ZNF507: variants seen among roughly 807,000 people sequenced by gnomAD.
ZNF507 encodes the protein zinc finger protein 507.
ZNF507 carries 29 observed loss-of-function variants against 80.0 expected under a neutral mutation model. The observed-to-expected ratio is 0.36, with a 90% CI of 0.27 to 0.49. ZNF507 has a LOEUF of 0.49. Ranked by LOEUF, ZNF507 falls within the 20% of genes least tolerant of loss-of-function variation. ZNF507 has a pLI of 0.98. For missense variants in ZNF507, 1,081 were observed against 1,152.2 expected (o/e 0.94, Z 0.90); for synonymous variants, 462 against 422.5 (o/e 1.09, Z -1.15).
At position 32,354,596 on chromosome 19, in the gene ZNF507, C is replaced by A; in HGVS notation, c.1766C>A (p.Thr589Asn). Residue 589 changes from threonine to asparagine, a missense_variant, in exon 3 of 7, where the codon ACC (threonine) becomes AAC (asparagine). By Grantham distance (65) the Thr-to-Asn change is moderately conservative (BLOSUM62 0). Transcript: ENST00000355898. ...ACAGGCATCAGCATGTCCTTACTCA[C>A]CGTCATTGAAAAATTGAGAGAAAGG... ...VKTGISMSLL[T>N]VIEKLRERTD... 1 of 1,614,104 alleles carries A rather than the reference C, an allele frequency of 6.2e-7. No homozygotes were observed. The highest frequency in any genetic ancestry group is 8.5e-7 in the Non-Finnish European group (1 of 1,180,012).
rs537162236 is a variant in ZNF507 at position 32,384,799 on chromosome 19, AATTT to A, written c.*1723_*1726del. ...GCAGCTTTTTTATTTAGGTAGCTTT[AATTT>A]ATTTATGAAAGTTAATCCATTTCTG... On this transcript the variant is annotated 3_prime_UTR_variant, in exon 7 of 7. Coordinates refer to ENST00000355898, the MANE Select transcript of ZNF507 (RefSeq NM_001136156.2). 18 of 149,866 alleles carry A rather than the reference AATTT, an allele frequency of 1.2e-4. No homozygotes were observed. Among genetic ancestry groups the A allele is most frequent in the East Asian group, 3.9e-4 (2 of 5,128 alleles). The allele number at this position is 149,866 out of a possible 1,614,324, so 9.3% of individuals were successfully genotyped here.
intron 5 of ZNF507, among the ~76,000 whole-genome samples, chr19:32,379,716 A>G (rs540568185): frequency 3.3e-5 from 5 of 151,868 alleles, no homozygotes; most frequent in African/African-American, 1.2e-4. Flanking sequence ...AGATCTGTTT[A>G]TTTTTCTTTT....
At chr19:32,358,819 A>T (rs1568304940) in intron 4 of ZNF507, 1 of 152,164 alleles carries the variant, frequency 6.6e-6, no homozygotes, top group Non-Finnish European at 1.5e-5. Flanking sequence ...GACTTACTAA[A>T]CTATGCTGTG....
At position 32,353,254 on chromosome 19, in the gene ZNF507, G is replaced by T. The variant is rs1486812636; in HGVS notation, c.424G>T (p.Asp142Tyr). ...ATCATCATCCTTTTCCGTGTTAAAA[G>T]ATCATATTAAGCAACATGGTCAGCA... Reference protein sequence around the residue: ...FLSSSFSVLKDHIKQHGQQNE... With the variant: ...FLSSSFSVLKYHIKQHGQQNE... Residue 142 changes from aspartate (D) to tyrosine (Y), a missense_variant, in exon 3 of 7, where the codon GAT (aspartate) becomes TAT (tyrosine). Physicochemically the swap from Asp to Tyr is radical, Grantham distance 160 (BLOSUM62 -3). Around this residue, in one of 6 missense-constraint regions of ZNF507, gnomAD observed 275 missense variants for 303.9 expected, o/e 0.90. Transcript: ENST00000355898. The T allele has an allele frequency of 3.7e-6, 6 of 1,614,056 alleles. No homozygotes were observed. The highest frequency in any genetic ancestry group is 2.7e-5 in the African/African-American group (2 of 74,914).
intron 5 of ZNF507, among the ~76,000 whole-genome samples, chr19:32,368,577 T>A (rs1298055935): frequency 6.6e-6 from 1 of 152,230 alleles, no homozygotes; most frequent in South Asian, 2.1e-4. Flanking sequence ...GATTCTTTAG[T>A]CAATGTGTTG....
chr19:32,357,838 G>T (rs1967272342), intron 4 of ZNF507: 1 of 152,150 alleles, frequency 6.6e-6, no homozygotes, highest in Non-Finnish European at 1.5e-5. Flanking sequence ...CTAATGAAAG[G>T]ATGAAGTAAA....
At chr19:32,382,258 CCTT>C (rs1403328273) in intron 5 of ZNF507, 1 of 456,838 alleles carries the variant, frequency 2.2e-6, no homozygotes, top group East Asian at 3.4e-5. Context: ...ATATAAAAGA[CCTT>C]CTTTCATTGA....
chr19:32,356,927 C>T, intron 4 of ZNF507, 194 bp downstream of exon 4: 1 of 562,820 alleles, frequency 1.8e-6, no homozygotes, highest in Non-Finnish European at 3.2e-6. Context: ...TTACTAGGTC[C>T]TAGGTGAGAA....
intron 5 of ZNF507, among the ~76,000 whole-genome samples, chr19:32,378,997 C>T (rs936498786): frequency 2.6e-5 from 4 of 152,176 alleles, no homozygotes; most frequent in African/African-American, 7.2e-5. Context: ...AGGCACTAGG[C>T]GGAAGGGAGT....
intron 5 of ZNF507, among the ~76,000 whole-genome samples, chr19:32,367,006 A>G (rs925424570): frequency 6.6e-5 from 10 of 152,144 alleles, no homozygotes; most frequent in Admixed American, 3.3e-4. Flanking sequence ...TTAGTTTGGC[A>G]TTGTTATAAG....
At position 32,353,810 on chromosome 19, in the gene ZNF507, G is replaced by A; in HGVS notation, c.980G>A (p.Cys327Tyr). The A allele has an allele frequency of 6.2e-7, 1 of 1,614,196 alleles. No homozygotes were observed. Among genetic ancestry groups the A allele is most frequent in the Non-Finnish European group, 8.5e-7 (1 of 1,180,034 alleles). ...GGGCCATCAGTGCAAGTGCAGATTT[G>A]CAGCTCAGAACAGTTATCATCTTCA... ...HNGPSVQVQI[C>Y]SSEQLSSSSP... Residue 327 changes from cysteine to tyrosine, a missense_variant, in exon 3 of 7, where the codon TGC becomes TAC. Physicochemically the swap from Cys to Tyr is radical, Grantham distance 194. This residue lies in a region of ZNF507 where 614 missense variants were observed against 583.9 expected (regional missense o/e 1.05). Coordinates refer to ENST00000355898, the MANE Select transcript of ZNF507 (RefSeq NM_001136156.2).
rs1320517002 is a variant in ZNF507 at position 32,385,768 on chromosome 19, A to ATGGCAGTGGG, written c.*2690_*2691insGTGGGTGGCA. On this transcript the variant is annotated 3_prime_UTR_variant, in exon 7 of 7. Coordinates refer to ENST00000355898, the MANE Select transcript of ZNF507 (RefSeq NM_001136156.2). ...AGATAGAGGCTTGCAGTGAGCCGTG[A>ATGGCAGTGGG]TGGCACCATTGCACTCCAACCGGGG... The ATGGCAGTGGG allele has an allele frequency of 1.3e-5, 2 of 152,112 alleles. No homozygotes were observed. Among genetic ancestry groups the ATGGCAGTGGG allele is most frequent in the East Asian group, 3.9e-4 (2 of 5,176 alleles). 9.4% of individuals were successfully genotyped at this position (152,112 alleles called of 1,614,324 possible). A position where few individuals can be genotyped will look rare whatever the true frequency, so the allele number is the denominator to read the frequency against.
chr19:32,351,340 C>G (rs569128620), intron 2 of ZNF507, among the ~76,000 whole-genome samples: 61 of 148,730 alleles, frequency 4.1e-4, no homozygotes, highest in African/African-American at 1.5e-3. Context: ...GCTGGCTTGC[C>G]AGAAGGAGTA....
At chr19:32,361,701 TTTCC>T (rs1476080058) in intron 5 of ZNF507, among the ~76,000 whole-genome samples, 10 of 139,184 alleles carry the variant, frequency 7.2e-5, no homozygotes, top group South Asian at 2.3e-4. Flanking sequence ...CTTTCCTTCC[TTTCC>T]TTCCTTCCTT....
chr19:32,348,426 C>T (rs1967123201), intron 2 of ZNF507, among the ~76,000 whole-genome samples: 1 of 152,048 alleles, frequency 6.6e-6, no homozygotes, highest in African/African-American at 2.4e-5. Flanking sequence ...TCCAGGCCCA[C>T]ATGAATTGTT....
intron 5 of ZNF507, among the ~76,000 whole-genome samples, chr19:32,374,313 A>G (rs1967516931): frequency 1.3e-5 from 2 of 152,012 alleles, no homozygotes; most frequent in African/African-American, 4.8e-5. Flanking sequence ...TATTGTTTCC[A>G]TATAAGAAAG....
chr19:32,345,825 C>T (rs1035565256), intron 1 of ZNF507, 42 bp downstream of exon 1: 1 of 153,680 alleles, frequency 6.5e-6, no homozygotes, highest in South Asian at 1.9e-4. Flanking sequence ...CTGTTAGCGC[C>T]GCCGCCGGCC....
intron 2 of ZNF507, among the ~76,000 whole-genome samples, chr19:32,351,609 G>T (rs1029913382): frequency 6.7e-6 from 1 of 149,088 alleles, no homozygotes; most frequent in Non-Finnish European, 1.5e-5. Context: ...TCAACCATGC[G>T]GGGAAGAACA....
At chr19:32,379,920 A>G (rs1967602429) in intron 5 of ZNF507, among the ~76,000 whole-genome samples, 1 of 152,032 alleles carries the variant, frequency 6.6e-6, no homozygotes, top group African/African-American at 2.4e-5. Flanking sequence ...TGATTCTTGT[A>G]TGTGTTTCCT....
Sources: allele counts gnomAD v4.1 joint callset (sites outside exome capture counted in the v4.1 genomes callset), GRCh38; gene constraint gnomAD v4.1.1; regional missense constraint gnomAD v4.1.1; transcripts MANE v1.5; gene names NCBI Gene and HGNC (gene_info 2026-07-23, HGNC 2026-07-21).